The following KIF7 variants were observed in gnomAD, a reference collection of about 807,000 sequenced individuals.
KIF7 encodes the protein kinesin-like protein KIF7.
KIF7 carries 104 observed loss-of-function variants against 135.7 expected under a neutral mutation model. The ratio of observed to expected loss-of-function variants is 0.77; its 90% confidence interval spans 0.65 to 0.90. The LOEUF is 0.90. Ranked by LOEUF, KIF7 falls within the 40% of genes least tolerant of loss-of-function variation. The pLI, the probability that KIF7 is intolerant of heterozygous loss-of-function variation, is 0.00. For synonymous variants in KIF7, 883 were observed against 809.4 expected (o/e 1.09, Z -1.54); for missense variants, 2,005 against 1,839.1 (o/e 1.09, Z -1.65).
chr15:89,649,022 G>A lies in KIF7; in HGVS notation c.875C>T (p.Pro292Leu). The A allele has an allele frequency of 6.5e-7, 1 of 1,548,036 alleles. No individual in the cohort carries two copies. The highest frequency in any genetic ancestry group is 8.7e-7 in the Non-Finnish European group (1 of 1,146,584). Reference protein sequence around the residue: ...LGNVISALGDPQRRGSHIPYR... With the variant: ...LGNVISALGDLQRRGSHIPYR... The stretch of plus-strand genomic sequence containing the variant: ...GGGTATGTGGCTGCCCCGGCGCTGA[G>A]GGTCCCCCAGGGCGCTGATGACGTT... The change falls in exon 4 of 19, where the codon CCT (proline) becomes CTT (leucine). Residue 292 changes from proline (P) to leucine (L), a missense_variant. Physicochemically the swap from Pro to Leu is moderately conservative, Grantham distance 98. Transcript: ENST00000394412.
chr15:89,630,283 C>G lies in KIF7; in HGVS notation c.3318+4G>C. On this transcript the variant is annotated splice_donor_region_variant and intron_variant, in intron 16 of 18. Coordinates refer to ENST00000394412, the MANE Select transcript of KIF7 (RefSeq NM_198525.3). ...AGCTGGGGGGCCATGGGCTGCTGGC[C>G]CACCTTGTCAAAATACTTGCAGAGG... 6.2e-7 allele frequency: 1 copy of G among 1,613,972 alleles called. No homozygotes were observed. The highest frequency in any genetic ancestry group is 8.5e-7 in the Non-Finnish European group (1 of 1,179,978).
chr15:89,644,491 A>G (rs1963975265), intron 10 of KIF7, among the ~76,000 whole-genome samples: 2 of 151,668 alleles, frequency 1.3e-5, no homozygotes, highest in Non-Finnish European at 2.9e-5. Context: ...CCTGGCCAAC[A>G]TGGTGAAACC....
downstream of KIF7, chr15:89,624,721 G>A (rs370078041): frequency 3.0e-5 from 49 of 1,613,986 alleles, no homozygotes; most frequent in East Asian, 7.1e-4. Flanking sequence ...CAGTGAAGCC[G>A]AACACCATGG....
chr15:89,657,285 T>C (rs1454644885), upstream of KIF7, among the ~76,000 whole-genome samples: 2 of 136,980 alleles, frequency 1.5e-5, no homozygotes, highest in African/African-American at 2.8e-5. Flanking sequence ...CACTCCAACC[T>C]GTGTGAGAGA....
chr15:89,620,782 G>A (rs1340508905), intron 1 of KIF7, among the ~76,000 whole-genome samples: 2 of 151,992 alleles, frequency 1.3e-5, no homozygotes, highest in African/African-American at 4.8e-5. Flanking sequence ...GAGTGCAGTG[G>A]CGCAATCTTG....
Position 89,632,921 on chromosome 15 carries a change from G to A in KIF7, c.2794C>T (p.Leu932=), listed in dbSNP as rs1963712599. The change falls in exon 14 of 19, where the codon CTG becomes TTG. Residue 932 remains leucine (L), a synonymous_variant. Transcript: ENST00000394412. ...TCCCGCTTGTGGAGCTCCTCCCCCA[G>A]CTCCTCCAGCGCCCGCCGCTGCTGT... ...VLQQRRALEE[L]GEELHKREAI... 1.2e-6 allele frequency: 2 copies of A among 1,607,372 alleles called. No individual in the cohort carries two copies. The highest frequency in any genetic ancestry group is 1.7e-6 in the Non-Finnish European group (2 of 1,179,472).
At chr15:89,645,751 C>A in intron 8 of KIF7, 142 bp downstream of exon 8, 1 of 1,183,304 alleles carries the variant, frequency 8.5e-7, no homozygotes, top group Non-Finnish European at 1.2e-6. Flanking sequence ...CCCCCAGGGG[C>A]TGGCCAGGGC....
rs1265443801 is a variant in KIF7 at position 89,632,959 on chromosome 15, A to G, written c.2756T>C (p.Met919Thr). 1.3e-6 allele frequency: 2 copies of G among 1,516,026 alleles called. No homozygotes were observed. The highest frequency in any genetic ancestry group is 2.9e-5 in the African/African-American group (2 of 69,158). 93.9% of individuals were successfully genotyped at this position (1,516,026 alleles called of 1,614,324 possible). A position where few individuals can be genotyped will look rare whatever the true frequency, so the allele number is the denominator to read the frequency against. ...EEQKKWLDQE[M>T]EKVLQQRRAL... Reference sequence around the variant, plus strand: ...CCGCCGCTGCTGTAGCACCTTCTCCATCTCCTGGTCCAGCCACTTCTTCTG... The same window carrying G: ...CCGCCGCTGCTGTAGCACCTTCTCCGTCTCCTGGTCCAGCCACTTCTTCTG... The change falls in exon 14 of 19, where the codon ATG (methionine) becomes ACG (threonine). Residue 919 changes from methionine (M) to threonine (T), a missense_variant. Transcript: ENST00000394412.
At chr15:89,658,362 A>G (rs1964227021), upstream of KIF7, among the ~76,000 whole-genome samples, 1 of 151,820 alleles carries the variant, frequency 6.6e-6, no homozygotes, top group East Asian at 1.9e-4. Flanking sequence ...AGGTGGGAGG[A>G]TTGCTTAAAC....
chr15:89,632,208 CTG>C (rs1459713499), intron 14 of KIF7, among the ~76,000 whole-genome samples: 3 of 152,336 alleles, frequency 2.0e-5, no homozygotes, highest in East Asian at 3.9e-4. Context: ...GCCTAGGACA[CTG>C]GGCGTGTGGC....
chr15:89,631,720 G>C lies in KIF7; in HGVS notation c.2896-10C>G. On this transcript the variant is annotated splice_polypyrimidine_tract_variant and intron_variant, in intron 14 of 18. Transcript: ENST00000394412. The stretch of plus-strand genomic sequence containing the variant: ...TGTCCTCGTTGAGGGCCTGGGGGCA[G>C]AATCACCAGGGATTAGAGAAGGAAC... The C allele has an allele frequency of 6.5e-7, 1 of 1,547,840 alleles. No homozygotes were observed. The highest frequency in any genetic ancestry group is 8.7e-7 in the Non-Finnish European group (1 of 1,144,376).
Position 89,633,269 on chromosome 15 carries a change from G to T in KIF7, c.2593-3C>A. On this transcript the variant is annotated splice_polypyrimidine_tract_variant and splice_region_variant and intron_variant, in intron 12 of 18. Transcript: ENST00000394412. ...TGCTCATGCTTCAGCTCCAGCTCCT[G>T]GGTGAGGAGCTCAGTGGGCAGGGCT... 6.4e-7 allele frequency: 1 copy of T among 1,562,804 alleles called. No individual in the cohort carries two copies. The highest frequency in any genetic ancestry group is 8.6e-7 in the Non-Finnish European group (1 of 1,157,354).
In KIF7 at chr15:89,622,647, T is replaced by A. The variant is rs539072944; in HGVS notation, c.181-4452A>T. Among the ~76,000 whole-genome samples the A allele has an allele frequency of 9.9e-5, 15 of 152,226 alleles. No homozygotes were observed. In the East Asian group the frequency reaches 2.1e-3, roughly 22 times the overall value. The stretch of plus-strand genomic sequence containing the variant: ...ATCTACACAACCAAGATCAGTCTCC[T>A]CCCCCAGGCAGGCAGGGTCTTCCGT... On this transcript the variant is annotated intron_variant and NMD_transcript_variant, in intron 1 of 2. Transcript: ENST00000558928.
chr15:89,622,545 C>A (rs1963443306), intron 1 of KIF7, among the ~76,000 whole-genome samples: 1 of 152,148 alleles, frequency 6.6e-6, no homozygotes, highest in Non-Finnish European at 1.5e-5. Flanking sequence ...AAATAATCAC[C>A]TTTGTTTGGA....
chr15:89,652,939 A>C lies in KIF7; in HGVS notation c.-9T>G. ...TGAGCCTCCAGCCCCATGCCGAGGG[A>C]GGACTGCTCTGGGCCCTGTGGAGAG... On this transcript the variant is annotated 5_prime_UTR_variant, in exon 2 of 19. Transcript: ENST00000394412. 1.3e-6 allele frequency: 2 copies of C among 1,504,308 alleles called. No homozygotes were observed. Among genetic ancestry groups the C allele is most frequent in the Non-Finnish European group, 8.9e-7 (1 of 1,123,750 alleles). The allele number at this position is 1,504,308 out of a possible 1,614,324, so 93.2% of individuals were successfully genotyped here. A position where few individuals can be genotyped will look rare whatever the true frequency, so the allele number is the denominator to read the frequency against.
At chr15:89,652,026 T>G (rs1964131938) in intron 2 of KIF7, among the ~76,000 whole-genome samples, 1 of 152,180 alleles carries the variant, frequency 6.6e-6, no homozygotes, top group Admixed American at 6.5e-5. Context: ...TAAATTTCTC[T>G]TGAGGAGCCA....
intron 8 of KIF7, 76 bp downstream of exon 8, chr15:89,645,817 C>G: frequency 6.5e-7 from 1 of 1,546,834 alleles, no homozygotes; most frequent in Non-Finnish European, 8.7e-7. Context: ...GGAGAGGAGA[C>G]GGTGCGATCC....
chr15:89,643,936 G>A (rs984622878), intron 10 of KIF7, among the ~76,000 whole-genome samples: 3 of 149,992 alleles, frequency 2.0e-5, no homozygotes, highest in African/African-American at 7.4e-5. Flanking sequence ...TGTGCTGATG[G>A]TATTACAGTT....
chr15:89,633,885 T>C lies in KIF7; in HGVS notation c.2395-2A>G, dbSNP rs1337871409. 6.2e-7 allele frequency: 1 copy of C among 1,613,662 alleles called. No homozygotes were observed. Among genetic ancestry groups the C allele is most frequent in the Non-Finnish European group, 8.5e-7 (1 of 1,179,992 alleles). On this transcript the variant is annotated splice_acceptor_variant, in intron 11 of 18. Transcript: ENST00000394412. LOFTEE classifies it high-confidence loss of function. ...AGCCTGCTTCTTCTCCTTCAGCACC[T>C]GGGACCCACACAGTCTTCACTGGGC...
Sources: gnomAD v4.1 joint callset for allele counts (sites outside exome capture counted in the v4.1 genomes callset) on GRCh38, gnomAD v4.1.1 for gene constraint, MANE v1.5 for transcripts, NCBI Gene and HGNC (gene_info 2026-07-23, HGNC 2026-07-21) for gene names.